Variants in RAPGEF4 observed in about 807,000 individuals in gnomAD.
RAPGEF4 encodes Rap guanine nucleotide exchange factor 4.
Under a neutral mutation model 147.9 loss-of-function variants are expected in RAPGEF4, and 66 were observed. The observed-to-expected ratio is 0.45, with a 90% confidence interval of 0.37 to 0.55. The LOEUF (loss-of-function observed/expected upper bound fraction) is 0.55. Among genes scored for constraint, RAPGEF4 ranks in the 20% least tolerant of loss-of-function variants. RAPGEF4 has a pLI of 0.00. For synonymous variants in RAPGEF4, 419 were observed against 442.7 expected, an observed-to-expected ratio of 0.95 and a Z score of 0.67; for missense variants, 1,071 against 1,257.3, an observed-to-expected ratio of 0.85 and a Z score of 2.24.
intron 1 of RAPGEF4, among the ~76,000 whole-genome samples, chr2:172,751,733 G>A (rs1035693241): frequency 1.2e-4 from 18 of 152,166 alleles, no homozygotes; most frequent in African/African-American, 4.3e-4. Context: ...AGGTGGATGA[G>A]GTATTTTACA....
At chr2:173,037,284 A>G (rs1359830336) in intron 29 of RAPGEF4, among the ~76,000 whole-genome samples, 1 of 130,040 alleles carries the variant, frequency 7.7e-6, no homozygotes. Flanking sequence ...CAGTGTTGTG[A>G]TCATAGCCTC....
intron 28 of RAPGEF4, 74 bp from the exon 29 acceptor site, chr2:173,036,554 A>G: frequency 8.7e-7 from 1 of 1,145,788 alleles, no homozygotes; most frequent in Non-Finnish European, 1.3e-6. Context: ...AGCATAATCT[A>G]ATGGTGCTAT....
intron 6 of RAPGEF4, among the ~76,000 whole-genome samples, chr2:172,951,491 C>A (rs765094689): frequency 6.6e-6 from 1 of 152,100 alleles, no homozygotes; most frequent in Non-Finnish European, 1.5e-5. Context: ...AGGTAAGAAA[C>A]GAACATGAAT....
At chr2:173,000,746 C>CTTT (rs869055162) in intron 16 of RAPGEF4, among the ~76,000 whole-genome samples, 2 of 72,822 alleles carry the variant, frequency 2.7e-5, no homozygotes, top group African/African-American at 4.1e-5. Flanking sequence ...TCTTTTCTTT[C>CTTT]TTTCTTTTTT....
chr2:172,794,957 AGGC>A, intron 1 of RAPGEF4, 65 bp from the exon 2 acceptor site: 23 of 1,410,204 alleles, frequency 1.6e-5, no homozygotes, highest in Non-Finnish European at 1.8e-5. Flanking sequence ...AATTAAAATG[AGGC>A]CTGTTGATTC....
chr2:172,879,849 GA>G (rs1696400650), intron 4 of RAPGEF4, among the ~76,000 whole-genome samples: 1 of 152,130 alleles, frequency 6.6e-6, no homozygotes, highest in African/African-American at 2.4e-5. Flanking sequence ...ATAAAAATAG[GA>G]AAGTTGCAAC....
intron 1 of RAPGEF4, among the ~76,000 whole-genome samples, chr2:172,761,100 TTTC>T (rs1459237351): frequency 2.5e-5 from 1 of 39,422 alleles, no homozygotes; most frequent in Non-Finnish European, 1.2e-4. Flanking sequence ...AACATTTTTC[TTTC>T]TTTTTTTTTT....
chr2:172,746,236 A>G (rs1452219832), intron 1 of RAPGEF4, among the ~76,000 whole-genome samples: 2 of 152,232 alleles, frequency 1.3e-5, no homozygotes, highest in African/African-American at 4.8e-5. Context: ...TTGTTTGGCT[A>G]TCATTTGACC....
intron 3 of RAPGEF4, among the ~76,000 whole-genome samples, chr2:172,806,037 G>C (rs1006156063): frequency 1.3e-5 from 2 of 151,592 alleles, no homozygotes; most frequent in South Asian, 2.1e-4. Flanking sequence ...GTGTGTGTGT[G>C]TGTGTGTGTG....
At chr2:172,906,282 T>A (rs1699621140) in intron 4 of RAPGEF4, among the ~76,000 whole-genome samples, 1 of 152,178 alleles carries the variant, frequency 6.6e-6, no homozygotes, top group Admixed American at 6.5e-5. Flanking sequence ...TAGTGGAACA[T>A]AATGAATGGG....
intron 10 of RAPGEF4, among the ~76,000 whole-genome samples, chr2:172,982,507 G>T (rs556204251): frequency 6.6e-5 from 10 of 152,110 alleles, no homozygotes; most frequent in Admixed American, 5.9e-4. Context: ...TCTTTATTTT[G>T]CAGAAAGCAA....
chr2:172,891,323 G>A (rs2676519), intron 4 of RAPGEF4, among the ~76,000 whole-genome samples: 147,799 of 152,274 alleles, frequency 0.97, 71,867 homozygotes, highest in East Asian at 1. Flanking sequence ...ACTCTATGAT[G>A]TCTGTCAGAT....
chr2:172,986,140 A>C (rs1313438213), intron 12 of RAPGEF4, among the ~76,000 whole-genome samples: 1 of 152,388 alleles, frequency 6.6e-6, no homozygotes. Flanking sequence ...TGGCTGGAAC[A>C]AACAGGGTTA....
chr2:173,023,815 G>A (rs776143950), intron 23 of RAPGEF4, among the ~76,000 whole-genome samples: 4 of 152,212 alleles, frequency 2.6e-5, no homozygotes, highest in Non-Finnish European at 5.9e-5. Context: ...CCAATCCTGA[G>A]GAGAGAGCAA....
intron 1 of RAPGEF4, among the ~76,000 whole-genome samples, chr2:172,769,532 T>C (rs1697163981): frequency 6.6e-6 from 1 of 152,126 alleles, no homozygotes; most frequent in African/African-American, 2.4e-5. Flanking sequence ...CAGTTGAATA[T>C]CTTCTGGAGG....
chr2:172,862,355 A>G (rs2149781904), intron 4 of RAPGEF4, among the ~76,000 whole-genome samples: 1 of 152,308 alleles, frequency 6.6e-6, no homozygotes, highest in Non-Finnish European at 1.5e-5. Context: ...TATATTAAGA[A>G]GCATCCTATG....
chr2:172,962,263 C>T (rs774819385), intron 8 of RAPGEF4, among the ~76,000 whole-genome samples: 1 of 152,140 alleles, frequency 6.6e-6, no homozygotes, highest in Non-Finnish European at 1.5e-5. Flanking sequence ...TCCCATTTAG[C>T]CTAGACATGA....
chr2:172,837,907 T>C (rs550275343), intron 4 of RAPGEF4, among the ~76,000 whole-genome samples: 1 of 152,336 alleles, frequency 6.6e-6, no homozygotes, highest in East Asian at 1.9e-4. Flanking sequence ...AGCTCAAATA[T>C]GGTGTAGTAT....
intron 30 of RAPGEF4, among the ~76,000 whole-genome samples, chr2:173,051,185 T>C (rs1392672178): frequency 6.6e-6 from 1 of 152,200 alleles, no homozygotes; most frequent in Non-Finnish European, 1.5e-5. Flanking sequence ...CTCTGTAGTC[T>C]CACTGGCTTG....
Sources: gnomAD v4.1 joint callset for allele counts (sites outside exome capture counted in the v4.1 genomes callset) on GRCh38, gnomAD v4.1.1 for gene constraint, MANE v1.5 for transcripts, NCBI Gene and HGNC (gene_info 2026-07-23, HGNC 2026-07-21) for gene names.